The following SCHIP1 variants were observed in gnomAD, a reference collection of about 807,000 sequenced individuals.
SCHIP1 encodes the protein schwannomin-interacting protein 1.
In SCHIP1, 8 loss-of-function variants were observed where a neutral mutation model predicts 29.7. The ratio of observed to expected loss-of-function variants is 0.27; its 90% CI spans 0.16 to 0.49. SCHIP1 has a LOEUF of 0.49. Ranked by LOEUF, SCHIP1 falls within the 20% of genes least tolerant of loss-of-function variation. The probability of loss-of-function intolerance (pLI) is 0.99; values close to 1 mark genes in which losing one functional copy is unlikely to be tolerated. For missense variants in SCHIP1, 193 were observed against 294.6 expected, an observed-to-expected ratio of 0.66 and a Z score of 2.52; for synonymous variants, 76 against 94.9, an observed-to-expected ratio of 0.80 and a Z score of 1.16.
chr3:159,336,274 T>A, the SCHIP1 span, among the ~76,000 whole-genome samples: 2 of 151,480 alleles, frequency 1.3e-5, no homozygotes, highest in Non-Finnish European at 2.9e-5. Context: ...ATTGCAAAAA[T>A]TTTCTCCCAT....
chr3:159,775,967 G>A, the SCHIP1 span, among the ~76,000 whole-genome samples: 1 of 152,306 alleles, frequency 6.6e-6, no homozygotes, highest in East Asian at 1.9e-4. Context: ...TGAAATGCCA[G>A]GGTGTTTTTA....
the SCHIP1 span, among the ~76,000 whole-genome samples, chr3:159,402,956 AG>A: frequency 1.3e-5 from 2 of 152,218 alleles, no homozygotes; most frequent in South Asian, 4.1e-4. Context: ...AAGAAAAAAA[AG>A]AAATATCTCC....
the SCHIP1 span, among the ~76,000 whole-genome samples, chr3:159,754,417 CT>C: frequency 1.3e-5 from 2 of 152,128 alleles, no homozygotes; most frequent in Admixed American, 6.5e-5. Context: ...TATTGATAGC[CT>C]TTCCTATATT....
At chr3:159,798,193 G>C in the SCHIP1 span, among the ~76,000 whole-genome samples, 1 of 152,176 alleles carries the variant, frequency 6.6e-6, no homozygotes, top group African/African-American at 2.4e-5. Flanking sequence ...AAACTGGAAA[G>C]CTGGCTTTGC....
chr3:159,631,661 G>A, the SCHIP1 span, among the ~76,000 whole-genome samples: 1 of 152,060 alleles, frequency 6.6e-6, no homozygotes, highest in Non-Finnish European at 1.5e-5. Context: ...AGGTTACCAG[G>A]GGCTGGAGGG....
the SCHIP1 span, among the ~76,000 whole-genome samples, chr3:159,605,179 G>A: frequency 2.7e-4 from 41 of 152,154 alleles, no homozygotes; most frequent in African/African-American, 9.2e-4. Flanking sequence ...TTAAAAGGGC[G>A]AAGCATTAGA....
chr3:159,371,693 A>G, the SCHIP1 span, among the ~76,000 whole-genome samples: 2 of 152,334 alleles, frequency 1.3e-5, no homozygotes, highest in Admixed American at 6.5e-5. Context: ...CTGATATAAA[A>G]TGGGTAGTAC....
At chr3:159,409,975 T>A in the SCHIP1 span, among the ~76,000 whole-genome samples, 1 of 151,866 alleles carries the variant, frequency 6.6e-6, no homozygotes, top group African/African-American at 2.4e-5. Flanking sequence ...AATCCATACA[T>A]CTACAGTGAA....
the SCHIP1 span, among the ~76,000 whole-genome samples, chr3:159,545,936 T>C: frequency 2.0e-5 from 3 of 151,736 alleles, no homozygotes; most frequent in South Asian, 2.1e-4. Context: ...CTTTTAAACA[T>C]TTTTTCAAAA....
At chr3:159,812,054 C>G in the SCHIP1 span, among the ~76,000 whole-genome samples, 1 of 148,548 alleles carries the variant, frequency 6.7e-6, no homozygotes, top group Non-Finnish European at 1.5e-5. Context: ...TCACTGTAAC[C>G]CTGCCTCCTA....
the SCHIP1 span, among the ~76,000 whole-genome samples, chr3:159,666,714 CAT>C: frequency 6.6e-6 from 1 of 152,148 alleles, no homozygotes; most frequent in East Asian, 1.9e-4. Context: ...TAGATAAAAA[CAT>C]ATGAAAACTT....
intron 1 of SCHIP1, among the ~76,000 whole-genome samples, chr3:159,841,275 A>G (rs1744192342): frequency 6.6e-6 from 1 of 152,184 alleles, no homozygotes; most frequent in Non-Finnish European, 1.5e-5. Context: ...GTATTTATAT[A>G]CTTTGTCTTG....
the SCHIP1 span, among the ~76,000 whole-genome samples, chr3:159,563,391 C>G: frequency 1.3e-5 from 2 of 151,978 alleles, no homozygotes; most frequent in Non-Finnish European, 2.9e-5. Flanking sequence ...GATGAGAGAA[C>G]AGATACCATC....
At chr3:159,660,029 A>G in the SCHIP1 span, among the ~76,000 whole-genome samples, 1 of 152,176 alleles carries the variant, frequency 6.6e-6, no homozygotes, top group Non-Finnish European at 1.5e-5. Flanking sequence ...TTGACACCAT[A>G]TTTAGTTCCT....
the SCHIP1 span, among the ~76,000 whole-genome samples, chr3:159,795,145 TTTCTGCTCCAATTC>T: frequency 1.3e-5 from 2 of 152,208 alleles, no homozygotes; most frequent in Non-Finnish European, 2.9e-5. Flanking sequence ...GCCCTCCCTG[TTTCTGCTCCAATTC>T]TTCTGCTAAA....
the SCHIP1 span, among the ~76,000 whole-genome samples, chr3:159,516,116 TCTC>T: frequency 2.0e-5 from 3 of 152,150 alleles, no homozygotes; most frequent in South Asian, 6.2e-4. Flanking sequence ...GCAGCCCTCT[TCTC>T]CTGTTCCCTG....
the SCHIP1 span, among the ~76,000 whole-genome samples, chr3:159,400,294 G>C: frequency 6.6e-6 from 1 of 152,214 alleles, no homozygotes; most frequent in Non-Finnish European, 1.5e-5. Context: ...ACATCAAAGT[G>C]GTAGGGGAGA....
the SCHIP1 span, among the ~76,000 whole-genome samples, chr3:159,582,673 AATAT>A: frequency 1.0e-3 from 158 of 152,174 alleles, 2 homozygotes; most frequent in African/African-American, 3.6e-3. Flanking sequence ...GAAACTAAAA[AATAT>A]ATATAATTAG....
At chr3:159,838,381 C>T (rs1743876120), upstream of SCHIP1, among the ~76,000 whole-genome samples, 1 of 152,108 alleles carries the variant, frequency 6.6e-6, no homozygotes, top group African/African-American at 2.4e-5. Flanking sequence ...ATTTCTCATG[C>T]AAAAAGTACT....
Sources: gnomAD v4.1 joint callset for allele counts (sites outside exome capture counted in the v4.1 genomes callset) on GRCh38, gnomAD v4.1.1 for gene constraint, MANE v1.5 for transcripts, NCBI Gene and HGNC (gene_info 2026-07-23, HGNC 2026-07-21) for gene names.